Variants in EMC8 observed in about 807,000 individuals in gnomAD.
EMC8 encodes ER membrane protein complex subunit 8.
In EMC8, 11 loss-of-function variants were observed where a neutral mutation model predicts 24.3. That is an observed-to-expected ratio of 0.45 (90% CI 0.28 to 0.75). The LOEUF is 0.75. Ranked by LOEUF, EMC8 falls within the 30% of genes least tolerant of loss-of-function variation. The probability of loss-of-function intolerance (pLI) is 0.12; values close to 1 mark genes in which losing one functional copy is unlikely to be tolerated. For synonymous variants in EMC8, 145 were observed against 117.7 expected, an observed-to-expected ratio of 1.23 and a Z score of -1.50; for missense variants, 277 against 282.7, an observed-to-expected ratio of 0.98 and a Z score of 0.14.
At chr16:85,782,607 CT>C (rs1473671090) in intron 2 of EMC8, among the ~76,000 whole-genome samples, 2 of 152,214 alleles carry the variant, frequency 1.3e-5, no homozygotes, top group Admixed American at 6.5e-5. Context: ...CCTTCCATGA[CT>C]GTTTCTTCAA....
intron 1 of EMC8, chr16:85,792,330 G>T (rs1337486686): frequency 6.6e-6 from 1 of 152,312 alleles, no homozygotes; most frequent in South Asian, 2.1e-4. Context: ...TCTTTGAAGA[G>T]GTTGCCCTTA....
intron 1 of EMC8, among the ~76,000 whole-genome samples, chr16:85,789,522 T>C (rs1303248135): frequency 1.3e-5 from 2 of 152,160 alleles, no homozygotes; most frequent in African/African-American, 4.8e-5. Flanking sequence ...CCAGGCACAG[T>C]GGCTCACACC....
rs757020154 is a variant in EMC8 at position 85,781,243 on chromosome 16, C to A, written c.346G>T (p.Ala116Ser). The A allele has an allele frequency of 5.5e-5, 88 of 1,613,574 alleles. No individual in the cohort carries two copies. Among genetic ancestry groups the A allele is most frequent in the Non-Finnish European group, 7.3e-5 (86 of 1,179,756 alleles). Reference sequence around the variant, plus strand: ...AGCGCAGTGTCGCTGAAGCCCTCGGCGATTCTGGAGGCCACCTTCTCTGCA... The same window carrying A: ...AGCGCAGTGTCGCTGAAGCCCTCGGAGATTCTGGAGGCCACCTTCTCTGCA... ...QVAEKVASRI[A>S]EGFSDTALIM... is the part of the protein sequence containing the mutation. Residue 116 changes from alanine (A) to serine (S), a missense_variant, in exon 3 of 5, where the codon GCC (alanine) becomes TCC (serine). By Grantham distance (99) the Ala-to-Ser change is moderately conservative (BLOSUM62 1). Transcript: ENST00000253457.
At chr16:85,783,356 T>C (rs1904600998) in intron 2 of EMC8, among the ~76,000 whole-genome samples, 1 of 152,132 alleles carries the variant, frequency 6.6e-6, no homozygotes, top group African/African-American at 2.4e-5. Context: ...ATGGTGGCTA[T>C]TCACAGGTGT....
rs747849784 is a variant in EMC8, at chr16:85,781,166, G to C, written c.378+45C>G. 31 of 1,407,344 alleles carry C rather than the reference G, an allele frequency of 2.2e-5. No individual in the cohort carries two copies. In the East Asian group the frequency reaches 5.5e-4, roughly 25 times the overall value. 87.2% of individuals were successfully genotyped at this position (1,407,344 alleles called of 1,614,324 possible). A position where few individuals can be genotyped will look rare whatever the true frequency, so the allele number is the denominator to read the frequency against. On this transcript the variant is annotated intron_variant, in intron 3 of 4. Transcript: ENST00000253457. ...CGCAGAGCAAGCTCCAGGTTGGTGA[G>C]AGGAGGCGCAAGGGCCTCCCACATG...
intron 1 of EMC8, among the ~76,000 whole-genome samples, chr16:85,793,217 C>A (rs577801603): frequency 6.6e-6 from 1 of 152,250 alleles, no homozygotes; most frequent in Non-Finnish European, 1.5e-5. Flanking sequence ...ACTATCCCCC[C>A]ACGCCCCTTG....
intron 2 of EMC8, among the ~76,000 whole-genome samples, chr16:85,782,397 C>T (rs1040888236): frequency 6.6e-6 from 1 of 152,232 alleles, no homozygotes; most frequent in Admixed American, 6.5e-5. Flanking sequence ...GCTCCTCCAC[C>T]ATTCCTGCAC....
rs890211721 is a variant in EMC8, at chr16:85,779,554, C to G, written c.*154G>C. The G allele has an allele frequency of 4.2e-6, 3 of 712,742 alleles. No homozygotes were observed. The highest frequency in any genetic ancestry group is 3.6e-5 in the African/African-American group (2 of 56,106). The allele number at this position is 712,742 out of a possible 1,614,324, so 44.2% of individuals were successfully genotyped here. ...AGAGACTCTGTGTTAAAAACACGACCGACTGAACATTCTGCCCCCTTTCAA... is the reference window on the plus strand; with the variant it reads ...AGAGACTCTGTGTTAAAAACACGACGGACTGAACATTCTGCCCCCTTTCAA... On this transcript the variant is annotated 3_prime_UTR_variant, in exon 5 of 5. Transcript: ENST00000253457.
At chr16:85,789,783 A>C (rs1904920476) in intron 1 of EMC8, among the ~76,000 whole-genome samples, 2 of 146,708 alleles carry the variant, frequency 1.4e-5, no homozygotes, top group South Asian at 2.2e-4. Context: ...CAAGAGTGAA[A>C]CTCCGTCTCC....
chr16:85,781,141 C>G, intron 3 of EMC8, 70 bp downstream of exon 3: 3 of 1,132,524 alleles, frequency 2.6e-6, no homozygotes, highest in Non-Finnish European at 4.0e-6. Context: ...AGGAAACCGC[C>G]GCAGAGCAAG....
chr16:85,798,496 T>G (rs1159029479), intron 1 of EMC8: 1 of 152,226 alleles, frequency 6.6e-6, no homozygotes, highest in Non-Finnish European at 1.5e-5. Flanking sequence ...GGGAACAAAT[T>G]CTCTTTACAC....
chr16:85,794,302 CT>C (rs1567833696), intron 1 of EMC8, among the ~76,000 whole-genome samples: 1 of 152,166 alleles, frequency 6.6e-6, no homozygotes, highest in African/African-American at 2.4e-5. Flanking sequence ...AAATTTTCCC[CT>C]GTAACTTTCC....
At chr16:85,788,017 T>C (rs975052017) in intron 2 of EMC8, among the ~76,000 whole-genome samples, 3 of 152,076 alleles carry the variant, frequency 2.0e-5, no homozygotes, top group Non-Finnish European at 4.4e-5. Flanking sequence ...TGCACCCCCA[T>C]CTCCCTGGAC....
intron 1 of EMC8, among the ~76,000 whole-genome samples, chr16:85,794,549 C>T (rs947648443): frequency 6.6e-5 from 10 of 152,094 alleles, no homozygotes; most frequent in Non-Finnish European, 2.9e-5. Flanking sequence ...ATCAGCCGTG[C>T]GTGGCGGTGT....
chr16:85,791,380 T>C (rs4022294), intron 1 of EMC8, among the ~76,000 whole-genome samples: 119,564 of 152,100 alleles, frequency 0.79, 47,434 homozygotes, highest in Non-Finnish European at 0.81. Context: ...TATCCATGTG[T>C]CATGCTGGTT....
chr16:85,786,031 C>G (rs769540266), intron 2 of EMC8, among the ~76,000 whole-genome samples: 19 of 152,284 alleles, frequency 1.2e-4, no homozygotes, highest in Non-Finnish European at 2.1e-4. Context: ...GTTATAAACA[C>G]TACGTTAGAA....
intron 1 of EMC8, among the ~76,000 whole-genome samples, chr16:85,797,712 G>A (rs1905297037): frequency 6.6e-6 from 1 of 152,116 alleles, no homozygotes; most frequent in Admixed American, 6.5e-5. Flanking sequence ...ATTATGAAAT[G>A]GCTTCGTTTT....
At position 85,779,408 on chromosome 16, in the gene EMC8, T is replaced by C. The variant is rs1039925969; in HGVS notation, c.*300A>G. 3 of 228,276 alleles carry C rather than the reference T, an allele frequency of 1.3e-5. No individual in the cohort carries two copies. Among genetic ancestry groups the C allele is most frequent in the African/African-American group, 4.5e-5 (2 of 44,738 alleles). The allele number at this position is 228,276 out of a possible 1,614,324, so 14.1% of individuals were successfully genotyped here. On this transcript the variant is annotated 3_prime_UTR_variant, in exon 5 of 5. Coordinates refer to ENST00000253457, the MANE Select transcript of EMC8 (RefSeq NM_006067.5). ...TCTCTCCAGATTATAAAAGGTTAGT[T>C]AAAACTGTTTAATAGGAACAATCTT... is the stretch of plus-strand genomic sequence containing the variant.
chr16:85,790,975 C>T (rs1266162984), intron 1 of EMC8, among the ~76,000 whole-genome samples: 7 of 152,026 alleles, frequency 4.6e-5, no homozygotes, highest in African/African-American at 1.4e-4. Context: ...TACAGGTGTG[C>T]GCCATCCTGT....
Sources: gnomAD v4.1 joint callset for allele counts (sites outside exome capture counted in the v4.1 genomes callset) on GRCh38, gnomAD v4.1.1 for gene constraint, MANE v1.5 for transcripts, NCBI Gene and HGNC (gene_info 2026-07-23, HGNC 2026-07-21) for gene names.